SEZ6L: variants seen among roughly 807,000 people sequenced by gnomAD.
The protein encoded by SEZ6L is seizure related 6 homolog like, also known as seizure 6-like protein.
A neutral mutation model predicts 106.2 loss-of-function variants in SEZ6L; 37 were observed. The observed-to-expected ratio is 0.35, with a 90% CI of 0.27 to 0.46. SEZ6L has a LOEUF of 0.46. Ranked by LOEUF, SEZ6L falls within the 20% of genes least tolerant of loss-of-function variation. The pLI is 1.00. For missense variants in SEZ6L, 1,172 were observed against 1,332.8 expected (o/e 0.88, Z 1.88); for synonymous variants, 541 against 570.4 (o/e 0.95, Z 0.73).
chr22:26,277,111 T>A (rs974124075), intron 1 of SEZ6L, among the ~76,000 whole-genome samples: 17 of 151,594 alleles, frequency 1.1e-4, no homozygotes, highest in Non-Finnish European at 2.4e-4. Context: ...GAGTCTTTTT[T>A]TTTTTTTTTA....
At chr22:26,260,826 G>A (rs1331397887) in intron 1 of SEZ6L, among the ~76,000 whole-genome samples, 1 of 152,148 alleles carries the variant, frequency 6.6e-6, no homozygotes, top group Non-Finnish European at 1.5e-5. Flanking sequence ...CATAGTGGTT[G>A]TACTAGTTTA....
intron 1 of SEZ6L, among the ~76,000 whole-genome samples, chr22:26,204,412 C>T (rs1941175516): frequency 6.6e-6 from 1 of 152,226 alleles, no homozygotes; most frequent in African/African-American, 2.4e-5. Flanking sequence ...AGGCACTTTA[C>T]ATCCATTAGC....
chr22:26,226,022 G>T (rs769976928), intron 1 of SEZ6L, among the ~76,000 whole-genome samples: 7 of 152,026 alleles, frequency 4.6e-5, no homozygotes, highest in Non-Finnish European at 1.0e-4. Flanking sequence ...TGATAATTTT[G>T]CCTCATAAAT....
intron 1 of SEZ6L, among the ~76,000 whole-genome samples, chr22:26,284,884 G>A (rs942507073): frequency 2.0e-5 from 3 of 152,084 alleles, no homozygotes; most frequent in African/African-American, 7.2e-5. Flanking sequence ...TCTTGAACAA[G>A]TCACTTCCCC....
At chr22:26,355,878 G>A (rs892775302) in intron 12 of SEZ6L, among the ~76,000 whole-genome samples, 1 of 152,164 alleles carries the variant, frequency 6.6e-6, no homozygotes, top group African/African-American at 2.4e-5. Context: ...TTTACCCCAG[G>A]GCACTTTAAG....
chr22:26,227,116 C>T (rs972565023), intron 1 of SEZ6L, among the ~76,000 whole-genome samples: 16 of 152,166 alleles, frequency 1.1e-4, no homozygotes, highest in African/African-American at 2.4e-4. Context: ...GCATCCCCAG[C>T]GCAGTGTCTG....
chr22:26,262,348 C>T (rs974937647), intron 1 of SEZ6L, among the ~76,000 whole-genome samples: 4 of 151,702 alleles, frequency 2.6e-5, no homozygotes, highest in Non-Finnish European at 4.4e-5. Context: ...AGGTGTGAGA[C>T]TCAACTGCAG....
chr22:26,254,126 T>TA (rs2079719501), intron 1 of SEZ6L: 2 of 152,176 alleles, frequency 1.3e-5, no homozygotes, highest in South Asian at 4.1e-4. Flanking sequence ...TTGGCAAGGT[T>TA]ATTAGAACAT....
At chr22:26,369,133 A>G (rs1417529634) in intron 13 of SEZ6L, among the ~76,000 whole-genome samples, 1 of 151,948 alleles carries the variant, frequency 6.6e-6, no homozygotes, top group Non-Finnish European at 1.5e-5. Flanking sequence ...CGTGATTTCC[A>G]AACATAAACG....
intron 1 of SEZ6L, among the ~76,000 whole-genome samples, chr22:26,218,761 AC>A (rs1252152873): frequency 6.6e-6 from 1 of 152,102 alleles, no homozygotes; most frequent in Non-Finnish European, 1.5e-5. Context: ...ACATGGTGAA[AC>A]TCTGTCTCTA....
chr22:26,278,621 A>G (rs1354010559), intron 1 of SEZ6L, among the ~76,000 whole-genome samples: 9 of 152,142 alleles, frequency 5.9e-5, no homozygotes, highest in Admixed American at 5.2e-4. Flanking sequence ...ACATGATTTC[A>G]TTCCTAAAAA....
chr22:26,186,740 A>G (rs1000295067), intron 1 of SEZ6L, among the ~76,000 whole-genome samples: 43 of 152,152 alleles, frequency 2.8e-4, no homozygotes, highest in African/African-American at 8.9e-4. Context: ...GAAGTGCACA[A>G]TTGGCCTAGA....
At chr22:26,263,853 A>T (rs1316206943) in intron 1 of SEZ6L, among the ~76,000 whole-genome samples, 1 of 152,166 alleles carries the variant, frequency 6.6e-6, no homozygotes, top group Non-Finnish European at 1.5e-5. Flanking sequence ...GACTCTAAAC[A>T]GATCTGTTTT....
At chr22:26,242,765 G>T (rs888162472) in intron 1 of SEZ6L, 13 of 152,262 alleles carry the variant, frequency 8.5e-5, no homozygotes, top group Admixed American at 8.5e-4. Context: ...AAAAAATGTT[G>T]GTAGAGTGTC....
intron 9 of SEZ6L, among the ~76,000 whole-genome samples, chr22:26,330,971 C>A (rs2082461782): frequency 6.6e-6 from 1 of 152,198 alleles, no homozygotes; most frequent in African/African-American, 2.4e-5. Context: ...GGCAAGATTT[C>A]TAAGCCAAGG....
In SEZ6L at chr22:26,275,232, G is replaced by A. The variant is rs1036060412; in HGVS notation, c.95-17174G>A. On this transcript the variant is annotated intron_variant, in intron 1 of 16. Coordinates refer to ENST00000248933, the MANE Select transcript of SEZ6L (RefSeq NM_021115.5). ...ATTTACAACGTTGCAAAAGAGATAC[G>A]TATTCAGTACTTCTAACTTTGAATT... Among the ~76,000 whole-genome samples, 11 of 152,218 alleles carry A rather than the reference G, an allele frequency of 7.2e-5. No individual in the cohort carries two copies. In the South Asian group the frequency reaches 8.3e-4, roughly 12 times the overall value.
Position 26,292,649 on chromosome 22 carries a change from T to G in SEZ6L, c.338T>G (p.Leu113Trp), listed in dbSNP as rs2081169331. Residue 113 changes from leucine (L) to tryptophan (W), a missense_variant, in exon 2 of 17, where the codon TTG (leucine) becomes TGG (tryptophan). This residue lies in a region of SEZ6L where 494 missense variants were observed against 445.8 expected (regional missense o/e 1.11). Coordinates refer to ENST00000248933, the MANE Select transcript of SEZ6L (RefSeq NM_021115.5). ...LPEEARPKHA[L>W]PPKKKLPSLK... ...GAGGAGGCCCGCCCCAAGCACGCCT[T>G]GCCCCCCAAGAAGAAACTGCCTTCG... 2.4e-5 allele frequency: 39 copies of G among 1,613,242 alleles called. No individual in the cohort carries two copies. The highest frequency in any genetic ancestry group is 3.2e-5 in the Non-Finnish European group (38 of 1,179,812).
At chr22:26,176,919 G>T (rs1939041074) in intron 1 of SEZ6L, among the ~76,000 whole-genome samples, 1 of 151,994 alleles carries the variant, frequency 6.6e-6, no homozygotes, top group Non-Finnish European at 1.5e-5. Flanking sequence ...CCTCTACTAT[G>T]GGTAATTCAT....
chr22:26,205,562 C>T (rs543495345), intron 1 of SEZ6L, among the ~76,000 whole-genome samples: 55 of 152,128 alleles, frequency 3.6e-4, no homozygotes, highest in African/African-American at 1.3e-3. Context: ...GAGTCCTGGA[C>T]CACCTACATC....
Sources: gnomAD v4.1 joint callset for allele counts (sites outside exome capture counted in the v4.1 genomes callset) on GRCh38, gnomAD v4.1.1 for gene constraint, gnomAD v4.1.1 regional missense constraint, MANE v1.5 for transcripts, NCBI Gene and HGNC (gene_info 2026-07-23, HGNC 2026-07-21) for gene names.